RUFY4: variants seen among roughly 807,000 people sequenced by gnomAD.
RUFY4 encodes RUN and FYVE domain-containing protein 4.
In RUFY4, 73 loss-of-function variants were observed where a neutral mutation model predicts 69.0. That is an observed-to-expected ratio of 1.06 (90% CI 0.88 to 1.29). The LOEUF is 1.29. Ranked by LOEUF, RUFY4 falls within the 50% of genes most tolerant of loss-of-function variation. The probability of loss-of-function intolerance (pLI) is 0.00; values close to 1 mark genes in which losing one functional copy is unlikely to be tolerated. For missense variants in RUFY4, 770 were observed against 705.6 expected, an observed-to-expected ratio of 1.09 and a Z score of -1.03; for synonymous variants, 287 against 271.8, an observed-to-expected ratio of 1.06 and a Z score of -0.55.
At chr2:218,053,246 C>T (rs890815293) in intron 2 of RUFY4, among the ~76,000 whole-genome samples, 5 of 152,094 alleles carry the variant, frequency 3.3e-5, no homozygotes, top group African/African-American at 1.2e-4. Flanking sequence ...CCAGTTGGGC[C>T]CCTGGAAAGT....
At chr2:218,064,160 C>T (rs74450327) in intron 3 of RUFY4, among the ~76,000 whole-genome samples, 97 of 152,246 alleles carry the variant, frequency 6.4e-4, no homozygotes, top group East Asian at 6.2e-3. Flanking sequence ...TGGAGTTTTG[C>T]GGAAAGTGAA....
chr2:218,088,676 T>C (rs12994676), intron 9 of RUFY4, among the ~76,000 whole-genome samples: 1 of 152,004 alleles, frequency 6.6e-6, no homozygotes, highest in African/African-American at 2.4e-5. Context: ...TGGGTCAAGG[T>C]TATTTTGGGC....
chr2:218,070,716 T>G, intron 1 of RUFY4, 37 bp from the exon 4 acceptor site: 6 of 1,534,868 alleles, frequency 3.9e-6, no homozygotes, highest in Non-Finnish European at 5.2e-6. Flanking sequence ...TGGGAGCCCC[T>G]CCCTCAGCGA....
At chr2:218,037,031 A>G (rs908296270) in intron 2 of RUFY4, among the ~76,000 whole-genome samples, 5 of 152,184 alleles carry the variant, frequency 3.3e-5, no homozygotes, top group African/African-American at 1.2e-4. Context: ...GTAGATAATA[A>G]ACTGAGGCTG....
upstream of RUFY4, among the ~76,000 whole-genome samples, chr2:218,065,199 G>A (rs1269787366): frequency 1.3e-5 from 2 of 152,180 alleles, no homozygotes; most frequent in Admixed American, 1.3e-4. Flanking sequence ...ATTAGTCGTG[G>A]CCCCACTCAG....
intron 2 of RUFY4, among the ~76,000 whole-genome samples, chr2:218,035,818 C>T (rs1958967830): frequency 2.0e-5 from 3 of 152,224 alleles, no homozygotes; most frequent in Admixed American, 1.3e-4. Context: ...AGCCTTGGGG[C>T]CGCGCTTTAC....
At chr2:218,043,982 A>G (rs1452236517) in intron 2 of RUFY4, among the ~76,000 whole-genome samples, 29 of 152,210 alleles carry the variant, frequency 1.9e-4, no homozygotes, top group Non-Finnish European at 4.4e-5. Context: ...GTGTGCACCC[A>G]CCCAGCAGGG....
rs535206624 is a variant in RUFY4, at chr2:218,061,786, G to A, written c.-1071+3105G>A. 5.9e-5 allele frequency among the ~76,000 whole-genome samples: 9 copies of A among 152,268 alleles called. No individual in the cohort carries two copies. In the South Asian group the frequency reaches 1.9e-3, roughly 32 times the overall value. ...CCCTCAGTGGTGAGCACCTTCAGCT[G>A]TCAAGGCTGGGTTTAATGTTCAGAA... On this transcript the variant is annotated intron_variant and NMD_transcript_variant, in intron 3 of 13. Transcript: ENST00000457754.
chr2:218,067,533 G>A (rs142394193), upstream of RUFY4, among the ~76,000 whole-genome samples: 2 of 152,216 alleles, frequency 1.3e-5, no homozygotes, highest in African/African-American at 2.4e-5. Flanking sequence ...GAAGAGGGGA[G>A]CCCCAAGCAG....
chr2:218,049,682 A>G (rs1441697392), intron 2 of RUFY4, among the ~76,000 whole-genome samples: 1 of 151,630 alleles, frequency 6.6e-6, no homozygotes, highest in Non-Finnish European at 1.5e-5. Context: ...AATTTTTTGT[A>G]TTTTTAGTAG....
chr2:218,047,446 A>T (rs1688854450), intron 2 of RUFY4, among the ~76,000 whole-genome samples: 1 of 152,086 alleles, frequency 6.6e-6, no homozygotes, highest in Non-Finnish European at 1.5e-5. Context: ...ATTCCGGATC[A>T]ATAAGTCATC....
intron 2 of RUFY4, 145 bp downstream of exon 4, chr2:218,071,004 A>C: frequency 7.7e-6 from 5 of 650,742 alleles, no homozygotes; most frequent in East Asian, 2.8e-5. Flanking sequence ...ACCTAACCTC[A>C]CTCTTGGAGT....
chr2:218,086,979 A>G (rs1207078412), intron 9 of RUFY4, among the ~76,000 whole-genome samples: 1 of 152,232 alleles, frequency 6.6e-6, no homozygotes, highest in East Asian at 1.9e-4. Flanking sequence ...CCAGAAAACC[A>G]AAAGCCTTCC....
chr2:218,042,292 G>A (rs1369500133), intron 2 of RUFY4, among the ~76,000 whole-genome samples: 1 of 152,170 alleles, frequency 6.6e-6, no homozygotes, highest in Non-Finnish European at 1.5e-5. Flanking sequence ...ACTTGTATTA[G>A]TTTCTTAAGA....
At chr2:218,046,270 C>T (rs989747512) in intron 2 of RUFY4, among the ~76,000 whole-genome samples, 14 of 151,948 alleles carry the variant, frequency 9.2e-5, no homozygotes, top group African/African-American at 3.4e-4. Flanking sequence ...TTGGACAGTG[C>T]TAGAGACACT....
intron 2 of RUFY4, among the ~76,000 whole-genome samples, chr2:218,047,575 A>G (rs983697462): frequency 6.6e-5 from 10 of 152,320 alleles, no homozygotes; most frequent in African/African-American, 2.2e-4. Flanking sequence ...ATATTTGTGT[A>G]CAGTTGTTTT....
At chr2:218,057,078 CAAA>C (rs1026307473) in intron 2 of RUFY4, among the ~76,000 whole-genome samples, 4 of 124,326 alleles carry the variant, frequency 3.2e-5, no homozygotes, top group Non-Finnish European at 1.7e-5. Context: ...GACTCTATCT[CAAA>C]AAAAAAAAAA....
intron 3 of RUFY4, 37 bp downstream of exon 5, chr2:218,072,536 G>C (rs762635354): frequency 6.5e-7 from 1 of 1,534,082 alleles, no homozygotes; most frequent in Admixed American, 2.0e-5. Flanking sequence ...CTGACGGGGT[G>C]GGGGTAGACA....
chr2:218,072,735 T>C (rs1689519493), intron 3 of RUFY4, 44 bp from the exon 6 acceptor site: 3 of 1,430,478 alleles, frequency 2.1e-6, no homozygotes, highest in African/African-American at 2.8e-5. Flanking sequence ...TGGGCGCCCT[T>C]TGTCCTAATA....
Sources: allele counts gnomAD v4.1 joint callset (sites outside exome capture counted in the v4.1 genomes callset), GRCh38; gene constraint gnomAD v4.1.1; transcripts MANE v1.5; gene names NCBI Gene and HGNC (gene_info 2026-07-23, HGNC 2026-07-21).